The following MYO3B variants were observed in gnomAD, a reference collection of about 807,000 sequenced individuals.
MYO3B encodes the protein myosin IIIB, also known as myosin-IIIb.
Under a neutral mutation model 174.6 loss-of-function variants are expected in MYO3B, and 156 were observed. The observed-to-expected ratio is 0.89, with a 90% CI of 0.78 to 1.02. The LOEUF (loss-of-function observed/expected upper bound fraction) is 1.02. Ranked by LOEUF, MYO3B falls within the 50% of genes least tolerant of loss-of-function variation. The probability of loss-of-function intolerance (pLI) is 0.00; values close to 1 mark genes in which losing one functional copy is unlikely to be tolerated. For missense variants in MYO3B, 1,632 were observed against 1,639.4 expected (o/e 1.00, Z 0.08); for synonymous variants, 563 against 569.1 (o/e 0.99, Z 0.15).
intron 7 of MYO3B, among the ~76,000 whole-genome samples, chr2:170,238,942 T>C (rs1032426746): frequency 2.0e-5 from 3 of 152,214 alleles, no homozygotes; most frequent in Admixed American, 6.5e-5. Flanking sequence ...TGCTTTGAAA[T>C]ACTGCGTGAC....
intron 25 of MYO3B, among the ~76,000 whole-genome samples, chr2:170,496,004 C>A (rs2106063369): frequency 6.6e-6 from 1 of 152,310 alleles, no homozygotes; most frequent in African/African-American, 2.4e-5. Flanking sequence ...AAGGTCTAAG[C>A]TTGACTCCTG....
chr2:170,358,611 A>G lies in MYO3B; in HGVS notation c.816-10611A>G, dbSNP rs1182128510. 2.0e-5 allele frequency among the ~76,000 whole-genome samples: 3 copies of G among 152,336 alleles called. No individual in the cohort carries two copies. In the East Asian group the frequency reaches 5.8e-4, roughly 29 times the overall value. ...AACTATATCTCATTAAACCTATTAT[A>G]AGAATTATTAGCAATAATCAGTTGA... On this transcript the variant is annotated intron_variant, in intron 8 of 34. Coordinates refer to ENST00000408978, the MANE Select transcript of MYO3B (RefSeq NM_138995.5).
intron 6 of MYO3B, among the ~76,000 whole-genome samples, chr2:170,224,259 AG>A (rs2092929524): frequency 6.6e-6 from 1 of 152,224 alleles, no homozygotes; most frequent in African/African-American, 2.4e-5. Flanking sequence ...TTGATCACTG[AG>A]GAAAGTGAGG....
intron 32 of MYO3B, among the ~76,000 whole-genome samples, chr2:170,627,527 A>G (rs1015822472): frequency 1.2e-4 from 18 of 151,772 alleles, no homozygotes; most frequent in Middle Eastern, 3.4e-3. Flanking sequence ...AAGTTTGGTC[A>G]TCTGAAGCCT....
At chr2:170,420,010 C>A (rs1387184045) in intron 22 of MYO3B, among the ~76,000 whole-genome samples, 1 of 152,030 alleles carries the variant, frequency 6.6e-6, no homozygotes, top group Non-Finnish European at 1.5e-5. Context: ...TGGTGAAACC[C>A]CATCTCTACT....
At chr2:170,312,105 T>C (rs1032383282) in intron 7 of MYO3B, among the ~76,000 whole-genome samples, 1 of 152,244 alleles carries the variant, frequency 6.6e-6, no homozygotes, top group African/African-American at 2.4e-5. Context: ...TGACTATGTC[T>C]TATTTCTTTG....
At chr2:170,383,840 G>A in intron 12 of MYO3B, 26 bp downstream of exon 12, 4 of 1,554,676 alleles carry the variant, frequency 2.6e-6, no homozygotes, top group South Asian at 2.2e-5. Context: ...CCTTTCCTAC[G>A]GAGTCACCCA....
At chr2:170,216,182 G>C (rs1275178183) in intron 5 of MYO3B, among the ~76,000 whole-genome samples, 1 of 152,118 alleles carries the variant, frequency 6.6e-6, no homozygotes, top group Non-Finnish European at 1.5e-5. Context: ...TGTTTCAAAG[G>C]TGTGTCCTTT....
intron 32 of MYO3B, among the ~76,000 whole-genome samples, chr2:170,551,916 C>CT (rs1559108819): frequency 1.1e-4 from 1 of 9,484 alleles, no homozygotes; most frequent in Non-Finnish European, 2.4e-4. Flanking sequence ...TGTAGCACTT[C>CT]CCCCTTCTCT....
At chr2:170,637,875 C>T (rs1697645900) in intron 32 of MYO3B, among the ~76,000 whole-genome samples, 1 of 152,082 alleles carries the variant, frequency 6.6e-6, no homozygotes, top group Admixed American at 6.6e-5. Flanking sequence ...CAAACCATAC[C>T]TTTCTATTTA....
intron 32 of MYO3B, among the ~76,000 whole-genome samples, chr2:170,551,957 C>T (rs977218137): frequency 6.6e-6 from 1 of 152,146 alleles, no homozygotes; most frequent in African/African-American, 2.4e-5. Flanking sequence ...GATGTGCTTT[C>T]TTCCCCTTCC....
intron 28 of MYO3B, among the ~76,000 whole-genome samples, chr2:170,514,120 T>A (rs528786584): frequency 6.6e-6 from 1 of 152,328 alleles, no homozygotes; most frequent in Admixed American, 6.5e-5. Flanking sequence ...GGGGCAGTCC[T>A]GCTGCCAGTG....
intron 32 of MYO3B, among the ~76,000 whole-genome samples, chr2:170,623,345 A>G (rs1575272356): frequency 6.6e-6 from 1 of 151,986 alleles, no homozygotes; most frequent in Non-Finnish European, 1.5e-5. Flanking sequence ...ATTTTTTCAT[A>G]TGTTTGTTGG....
At chr2:170,181,529 G>T (rs2092398130) in intron 1 of MYO3B, among the ~76,000 whole-genome samples, 1 of 152,058 alleles carries the variant, frequency 6.6e-6, no homozygotes, top group Non-Finnish European at 1.5e-5. Flanking sequence ...AAAGCATTCG[G>T]TTTTTCACCA....
At chr2:170,221,000 T>C (rs765067099) in intron 6 of MYO3B, among the ~76,000 whole-genome samples, 5 of 152,214 alleles carry the variant, frequency 3.3e-5, no homozygotes, top group African/African-American at 4.8e-5. Context: ...TAATCCTCCA[T>C]AGGAATGTCC....
chr2:170,221,537 T>C (rs558088033), intron 6 of MYO3B, among the ~76,000 whole-genome samples: 13 of 152,256 alleles, frequency 8.5e-5, no homozygotes, highest in African/African-American at 3.1e-4. Context: ...ATATTGTCAA[T>C]ACTCCCTACT....
At chr2:170,392,863 G>GTTTTTTTTTT (rs5836273) in intron 16 of MYO3B, among the ~76,000 whole-genome samples, 4 of 150,246 alleles carry the variant, frequency 2.7e-5, no homozygotes, top group African/African-American at 7.3e-5. Context: ...AATACTGTGG[G>GTTTTTTTTTT]TTTTTTTTCT....
chr2:170,559,467 G>T (rs565844595), intron 32 of MYO3B, among the ~76,000 whole-genome samples: 51 of 152,262 alleles, frequency 3.3e-4, no homozygotes, highest in African/African-American at 1.2e-3. Flanking sequence ...AAAGATCAGA[G>T]AGCAAAATAA....
chr2:170,346,324 A>G (rs1205009074), intron 8 of MYO3B: 1 of 152,184 alleles, frequency 6.6e-6, no homozygotes, highest in African/African-American at 2.4e-5. Flanking sequence ...TTTAAAGCTC[A>G]TCAGCTATTG....
Sources: allele counts gnomAD v4.1 joint callset (sites outside exome capture counted in the v4.1 genomes callset), GRCh38; gene constraint gnomAD v4.1.1; transcripts MANE v1.5; gene names NCBI Gene and HGNC (gene_info 2026-07-23, HGNC 2026-07-21).